The following IGF1R variants were observed in gnomAD, a reference collection of about 807,000 sequenced individuals.
The protein encoded by IGF1R is insulin-like growth factor 1 receptor.
Under a neutral mutation model 144.6 loss-of-function variants are expected in IGF1R, and 44 were observed. The ratio of observed to expected loss-of-function variants is 0.30; its 90% confidence interval spans 0.24 to 0.39. The LOEUF (loss-of-function observed/expected upper bound fraction) is 0.39. Among genes scored for constraint, IGF1R ranks in the 10% least tolerant of loss-of-function variants. The probability of loss-of-function intolerance (pLI) is 1.00; values close to 1 mark genes in which losing one functional copy is unlikely to be tolerated. For missense variants in IGF1R, 1,355 were observed against 1,833.7 expected (o/e 0.74, Z 4.77); for synonymous variants, 795 against 722.8 (o/e 1.10, Z -1.60).
intron 2 of IGF1R, among the ~76,000 whole-genome samples, chr15:98,836,789 T>C (rs566837133): frequency 9.2e-5 from 14 of 152,336 alleles, no homozygotes; most frequent in African/African-American, 2.9e-4. Flanking sequence ...CTTGATATTT[T>C]TGAATAGTAT....
chr15:98,799,278 A>G (rs1042578912), intron 2 of IGF1R, among the ~76,000 whole-genome samples: 2 of 152,048 alleles, frequency 1.3e-5, no homozygotes, highest in African/African-American at 2.4e-5. Context: ...AAGTACGTTC[A>G]TATTCATAGA....
intron 2 of IGF1R, among the ~76,000 whole-genome samples, chr15:98,852,604 C>A (rs1289288700): frequency 6.6e-6 from 1 of 152,160 alleles, no homozygotes; most frequent in East Asian, 1.9e-4. Context: ...TGTGTTCCCC[C>A]CACTAAGAAA....
intron 2 of IGF1R, among the ~76,000 whole-genome samples, chr15:98,856,594 C>G (rs1436628094): frequency 6.6e-6 from 1 of 152,206 alleles, no homozygotes; most frequent in Non-Finnish European, 1.5e-5. Context: ...ATGAATCAGT[C>G]TGCTAAGTTA....
At chr15:98,943,662 G>C (rs370642159) in intron 19 of IGF1R, among the ~76,000 whole-genome samples, 32 of 152,326 alleles carry the variant, frequency 2.1e-4, no homozygotes, top group African/African-American at 7.5e-4. Context: ...GTTTATTGCA[G>C]TTCCTTGGCA....
Position 98,891,319 on chromosome 15 carries a change from C to T in IGF1R, c.641-6C>T. ...TCTCATCTCCGTCTCTCCTCTCTCTCCACAGTGTGCCCAAGCACGTGTGGG... is the reference window on the plus strand; with the variant it reads ...TCTCATCTCCGTCTCTCCTCTCTCTTCACAGTGTGCCCAAGCACGTGTGGG... On this transcript the variant is annotated splice_polypyrimidine_tract_variant and splice_region_variant and intron_variant, in intron 2 of 20. Transcript: ENST00000650285. The surrounding 1 kb of genome is among the most constrained non-coding windows in gnomAD (Gnocchi z 4.7). 1.2e-6 allele frequency: 2 copies of T among 1,605,060 alleles called. No homozygotes were observed.
At chr15:98,868,968 T>C (rs2141600747) in intron 2 of IGF1R, among the ~76,000 whole-genome samples, 1 of 152,308 alleles carries the variant, frequency 6.6e-6, no homozygotes, top group South Asian at 2.1e-4. Flanking sequence ...GAGCTGGGCT[T>C]GTGCATAGGT....
chr15:98,880,150 T>C (rs2013295997), intron 2 of IGF1R, among the ~76,000 whole-genome samples: 1 of 152,164 alleles, frequency 6.6e-6, no homozygotes, highest in Non-Finnish European at 1.5e-5. Context: ...AAAGCTATTG[T>C]AAAAAATGTG....
At chr15:98,878,146 C>A (rs2013157723) in intron 2 of IGF1R, among the ~76,000 whole-genome samples, 1 of 152,244 alleles carries the variant, frequency 6.6e-6, no homozygotes, top group Admixed American at 6.5e-5. Context: ...TGGGCTCTAA[C>A]ACTAGTTTTA....
At chr15:98,657,224 A>C (rs752239565) in intron 1 of IGF1R, among the ~76,000 whole-genome samples, 1 of 152,198 alleles carries the variant, frequency 6.6e-6, no homozygotes, top group Non-Finnish European at 1.5e-5. Context: ...AATTAGGGAG[A>C]GATGAATTTA....
chr15:98,948,344 T>A (rs1266745082), intron 19 of IGF1R, among the ~76,000 whole-genome samples: 2 of 152,070 alleles, frequency 1.3e-5, no homozygotes, highest in Non-Finnish European at 2.9e-5. Flanking sequence ...CTCACCACCT[T>A]CCTTAGCTCC....
intron 2 of IGF1R, among the ~76,000 whole-genome samples, chr15:98,719,568 G>A (rs8024302): frequency 2.6e-5 from 4 of 152,212 alleles, no homozygotes; most frequent in African/African-American, 2.4e-5. Context: ...GTTGATAGGC[G>A]ATTAACAAAA....
At chr15:98,911,226 T>A in intron 6 of IGF1R, 89 bp from the exon 7 acceptor site, 1 of 1,503,444 alleles carries the variant, frequency 6.7e-7, no homozygotes, top group Non-Finnish European at 9.2e-7. Context: ...CAGCCAGCTT[T>A]GGGGAAGGGG....
rs113863124 is a variant in IGF1R, at chr15:98,940,620, G to A, written c.3457+1260G>A. ...GGTTTTCATCATGTTAGCCAGGATG[G>A]TCTTGAACTCCTGACCTCAGGTGAT... On this transcript the variant is annotated intron_variant, in intron 18 of 20. Coordinates refer to ENST00000650285, the MANE Select transcript of IGF1R (RefSeq NM_000875.5). Among the ~76,000 whole-genome samples, 209 of 152,266 alleles carry A rather than the reference G, an allele frequency of 1.4e-3. 3 individuals carry two copies. The highest frequency in any genetic ancestry group is 0.01 in the Middle Eastern group (3 of 294).
chr15:98,670,621 T>C (rs1383644595), intron 1 of IGF1R, among the ~76,000 whole-genome samples: 1 of 152,214 alleles, frequency 6.6e-6, no homozygotes, highest in Non-Finnish European at 1.5e-5. Flanking sequence ...GGATGTCTGA[T>C]GGAAGAGATA....
chr15:98,871,874 G>C (rs972295750), intron 2 of IGF1R, among the ~76,000 whole-genome samples: 1 of 152,202 alleles, frequency 6.6e-6, no homozygotes, highest in Non-Finnish European at 1.5e-5. Context: ...CTGTGTAAAA[G>C]TTGAATAAAG....
intron 2 of IGF1R, among the ~76,000 whole-genome samples, chr15:98,767,964 A>G (rs2055476479): frequency 6.6e-6 from 1 of 152,222 alleles, no homozygotes; most frequent in African/African-American, 2.4e-5. Context: ...AGAAGGTCCC[A>G]GGGTTCCTCA....
In IGF1R at chr15:98,865,335, C is replaced by G. The variant is rs569996116; in HGVS notation, c.641-25990C>G. 1.3e-4 allele frequency among the ~76,000 whole-genome samples: 20 copies of G among 152,346 alleles called. 1 individual carries two copies. In the South Asian group the frequency reaches 3.9e-3, roughly 30 times the overall value. On this transcript the variant is annotated intron_variant, in intron 2 of 20. Transcript: ENST00000650285. Reference sequence around the variant, plus strand: ...AGGATATCCCAAAGGATATGTTGGACTAATTCCTAAAATATCCTGTAAGTC... The same window carrying G: ...AGGATATCCCAAAGGATATGTTGGAGTAATTCCTAAAATATCCTGTAAGTC...
intron 2 of IGF1R, among the ~76,000 whole-genome samples, chr15:98,806,459 ACTCCCATC>A (rs2056473567): frequency 6.6e-6 from 1 of 151,114 alleles, no homozygotes; most frequent in Non-Finnish European, 1.5e-5. Context: ...AAGTGCCTTC[ACTCCCATC>A]CTTTTCAACT....
intron 1 of IGF1R, among the ~76,000 whole-genome samples, chr15:98,675,171 T>G (rs1351261399): frequency 6.6e-6 from 1 of 152,048 alleles, no homozygotes; most frequent in Non-Finnish European, 1.5e-5. Context: ...GTATTTTTAG[T>G]AGAAACGGGG....
Sources: allele counts gnomAD v4.1 joint callset (sites outside exome capture counted in the v4.1 genomes callset), GRCh38; gene constraint gnomAD v4.1.1; non-coding constraint Gnocchi (gnomAD v3.1); transcripts MANE v1.5; gene names NCBI Gene and HGNC (gene_info 2026-07-23, HGNC 2026-07-21).